CAPN14: variants seen among roughly 807,000 people sequenced by gnomAD.
CAPN14 encodes the protein calpain 14.
A neutral mutation model predicts 101.3 loss-of-function variants in CAPN14; 94 were observed. The observed-to-expected ratio is 0.93, with a 90% confidence interval of 0.79 to 1.10. The LOEUF (loss-of-function observed/expected upper bound fraction) is 1.10, where lower values mean the gene tolerates loss of function less well. CAPN14 is among the 50% of genes least tolerant of loss of function. CAPN14 has a pLI of 0.00. For synonymous variants in CAPN14, 338 were observed against 317.9 expected (o/e 1.06, Z -0.67); for missense variants, 837 against 828.4 (o/e 1.01, Z -0.13).
chr2:31,219,377 A>G (rs1161773119), upstream of CAPN14, among the ~76,000 whole-genome samples: 2 of 152,244 alleles, frequency 1.3e-5, no homozygotes, highest in African/African-American at 2.4e-5. Flanking sequence ...CACCCAGGAC[A>G]GACTAGTATG....
chr2:31,213,960 C>G (rs1682522475), intron 1 of CAPN14, among the ~76,000 whole-genome samples: 1 of 152,166 alleles, frequency 6.6e-6, no homozygotes, highest in African/African-American at 2.4e-5. Flanking sequence ...AGACATCTGT[C>G]TGCATTTAGA....
chr2:31,182,293 C>T lies in CAPN14; in HGVS notation c.1646-1293G>A, dbSNP rs1473892759. On this transcript the variant is annotated intron_variant, in intron 16 of 21. Coordinates refer to ENST00000403897, the MANE Select transcript of CAPN14 (RefSeq NM_001145122.2). ...CTGGCACAAGACAGGGATGCCCTCT[C>T]TCACCACTCCTATTCAACATAGTGT... Among the ~76,000 whole-genome samples the T allele has an allele frequency of 3.9e-4, 59 of 149,912 alleles. 1 individual carries two copies. The highest frequency in any genetic ancestry group is 1.1e-3 in the African/African-American group (45 of 40,026).
At chr2:31,191,276 T>C (rs1217037311) in intron 12 of CAPN14, 123 bp downstream of exon 12, 4 of 937,980 alleles carry the variant, frequency 4.3e-6, no homozygotes, top group Non-Finnish European at 6.4e-6. Context: ...ATTCTCATCA[T>C]CTGGCATTAT....
intron 17 of CAPN14, 132 bp downstream of exon 17, chr2:31,180,804 T>G: frequency 5.0e-5 from 35 of 702,628 alleles, no homozygotes; most frequent in Middle Eastern, 2.4e-4. Flanking sequence ...GGATACATAA[T>G]GAGGCTCAGT....
upstream of CAPN14, among the ~76,000 whole-genome samples, chr2:31,218,696 C>G (rs1459521210): frequency 6.6e-6 from 1 of 152,292 alleles, no homozygotes; most frequent in Non-Finnish European, 1.5e-5. Context: ...AACGGAGGCA[C>G]AGCATGGCAA....
At position 31,189,431 on chromosome 2, in the gene CAPN14, G is replaced by A. The variant is rs1172563074; in HGVS notation, c.1335C>T (p.Asn445=). 1.3e-5 allele frequency: 20 copies of A among 1,551,570 alleles called. No individual in the cohort carries two copies. The highest frequency in any genetic ancestry group is 1.7e-5 in the Non-Finnish European group (19 of 1,146,996). Residue 445 remains asparagine, a synonymous_variant, in exon 13 of 22, where the codon AAC becomes AAT. Coordinates refer to ENST00000403897, the MANE Select transcript of CAPN14 (RefSeq NM_001145122.2). ...ACCTATCAGGCTGGCTCAGAGGAGT[G>A]TTTCTCTGGAAGAACTCAGGGGGCA... ...RRLPPEFFQR[N]TPLSQPDRFL...
chr2:31,182,955 C>T (rs1680724003), intron 16 of CAPN14, among the ~76,000 whole-genome samples: 1 of 151,978 alleles, frequency 6.6e-6, no homozygotes, highest in African/African-American at 2.4e-5. Flanking sequence ...GCTACAGTAA[C>T]CAAAACAGCA....
rs1301494708 is a variant in CAPN14 at position 31,203,134 on chromosome 2, C to A, written c.231G>T (p.Leu77=). 6.4e-7 allele frequency: 1 copy of A among 1,551,382 alleles called. No homozygotes were observed. The highest frequency in any genetic ancestry group is 8.7e-7 in the Non-Finnish European group (1 of 1,146,826). ...CAAAATAAAACTGGGGATTGCTGTG[C>A]AGCTCCTGGGAAAGACAAACAGAAT... The part of the protein sequence containing the change: ...PRLQWKRPPE[L]HSNPQFYFAK... The change falls in exon 3 of 22, where the codon CTG becomes CTT. Residue 77 remains leucine (L), a synonymous_variant. Transcript: ENST00000403897.
intron 1 of CAPN14, among the ~76,000 whole-genome samples, chr2:31,210,380 G>A (rs1273189434): frequency 2.6e-5 from 4 of 152,144 alleles, no homozygotes; most frequent in East Asian, 1.9e-4. Flanking sequence ...CCCGGGAGGC[G>A]GAGCTTGCAG....
chr2:31,230,746 T>C lies in CAPN14; in HGVS notation c.-177+3045A>G, dbSNP rs1196114735. On this transcript the variant is annotated intron_variant and NMD_transcript_variant, in intron 1 of 21. Coordinates refer to the CAPN14 transcript ENST00000398824. The surrounding 1 kb of genome is among the most constrained non-coding windows in gnomAD (Gnocchi z 4.3). ...CATTAGTTCTATATTCTGGATGTGC[T>C]TTCATGGGTTTTTGTGTATAGGAAA... is the stretch of plus-strand genomic sequence containing the variant. 6.6e-6 allele frequency among the ~76,000 whole-genome samples: 1 copy of C among 152,246 alleles called. No homozygotes were observed. The highest frequency in any genetic ancestry group is 2.4e-5 in the African/African-American group (1 of 41,454).
chr2:31,187,375 C>A lies in CAPN14; in HGVS notation c.1587+383G>T, dbSNP rs138706313. Among the ~76,000 whole-genome samples the A allele has an allele frequency of 6.3e-3, 960 of 152,128 alleles. 8 individuals carry two copies. Among genetic ancestry groups the A allele is most frequent in the African/African-American group, 0.021 (889 of 41,448 alleles). On this transcript the variant is annotated intron_variant, in intron 15 of 21. Coordinates refer to ENST00000403897, the MANE Select transcript of CAPN14 (RefSeq NM_001145122.2). ...GGGCCCCTTCTCCCTGCGCTCCCCT[C>A]CAATGACCCTCCCCAAGGCCCCCAG...
chr2:31,193,496 T>C (rs1681313541), intron 9 of CAPN14, among the ~76,000 whole-genome samples: 1 of 152,154 alleles, frequency 6.6e-6, no homozygotes, highest in Admixed American at 6.6e-5. Flanking sequence ...CGTGGGGGGC[T>C]GGAGCTACTG....
At chr2:31,228,440 C>T (rs1400233439) in intron 1 of CAPN14, 1 of 152,170 alleles carries the variant, frequency 6.6e-6, no homozygotes, top group African/African-American at 2.4e-5. Context: ...TTCATAGTGT[C>T]ACCCCTAAGA....
intron 2 of CAPN14, among the ~76,000 whole-genome samples, chr2:31,224,521 T>C (rs1682963636): frequency 6.6e-6 from 1 of 152,120 alleles, no homozygotes; most frequent in African/African-American, 2.4e-5. Flanking sequence ...AAAACAAGAA[T>C]GCTCACATCT....
rs192043511 is a variant in CAPN14, at chr2:31,217,038, G to T, written c.-53+418C>A. 3.9e-4 allele frequency among the ~76,000 whole-genome samples: 60 copies of T among 152,286 alleles called. 1 individual carries two copies. The East Asian group carries it at 9.1e-3, about 23-fold the overall frequency. ...ATAAGGCCTCAGTGATAAGCTGGCT[G>T]CCCCCAGATTCCTTCTCATCAGGAG... On this transcript the variant is annotated intron_variant, in intron 1 of 21. Transcript: ENST00000403897.
Position 31,177,757 on chromosome 2 carries a change from A to G in CAPN14, c.1844T>C (p.Met615Thr). 1 of 1,551,626 alleles carries G rather than the reference A, an allele frequency of 6.4e-7. No individual in the cohort carries two copies. Among genetic ancestry groups the G allele is most frequent in the Non-Finnish European group, 8.7e-7 (1 of 1,146,788 alleles). The change falls in exon 19 of 22, where the codon ATG (methionine) becomes ACG (threonine). Residue 615 changes from methionine to threonine, a missense_variant. Met to Thr is a moderately conservative substitution (Grantham distance 81). Transcript: ENST00000403897. ...CTTCCTGTGCCTACCTGCCTCCCTC[A>G]TGGCAGCGTGCAGCTGCTCCCAGTT... ...YLNWEQLHAA[M>T]REAGIMLSDD...
intron 1 of CAPN14, among the ~76,000 whole-genome samples, chr2:31,207,995 G>A (rs763162991): frequency 9.2e-5 from 14 of 152,048 alleles, no homozygotes; most frequent in Non-Finnish European, 1.8e-4. Context: ...CTGCTGGAAT[G>A]TTGTTTGTCT....
chr2:31,193,157 G>T lies in CAPN14; in HGVS notation c.1088C>A (p.Ala363Asp). The stretch of plus-strand genomic sequence containing the variant: ...CTGCAGCAACTGCCTCTGGCCACCA[G>T]CTGTGCTCCGCTTCTCCCATCTCCC... Reference protein sequence around the residue: ...REGRWEKRSTAGGQRQLLQDT... With the variant: ...REGRWEKRSTDGGQRQLLQDT... The change falls in exon 10 of 22, where the codon GCT becomes GAT. Residue 363 changes from alanine to aspartate, a missense_variant. Transcript: ENST00000403897. The T allele has an allele frequency of 1.3e-6, 2 of 1,550,946 alleles. No homozygotes were observed. The highest frequency in any genetic ancestry group is 8.7e-7 in the Non-Finnish European group (1 of 1,146,940).
chr2:31,229,569 G>T (rs180689635), intron 1 of CAPN14, among the ~76,000 whole-genome samples: 1 of 151,458 alleles, frequency 6.6e-6, no homozygotes, highest in East Asian at 1.9e-4. Context: ...CCAGCTACTT[G>T]CGAGGCTGAG....
Sources: gnomAD v4.1 joint callset for allele counts (sites outside exome capture counted in the v4.1 genomes callset) on GRCh38, gnomAD v4.1.1 for gene constraint, Gnocchi (gnomAD v3.1) non-coding constraint, MANE v1.5 for transcripts, NCBI Gene and HGNC (gene_info 2026-07-23, HGNC 2026-07-21) for gene names.